The following TDRD15 variants were observed in gnomAD, a reference collection of about 807,000 sequenced individuals.
The protein encoded by TDRD15 is tudor domain containing 15, also known as tudor domain-containing protein 15.
For synonymous variants in TDRD15, 503 were observed against 314.5 expected (o/e 1.60, Z -6.34); for missense variants, 1,416 against 904.7 (o/e 1.57, Z -7.25).
chr2:21,138,238 T>C lies in TDRD15; in HGVS notation c.771T>C (p.Tyr257=), dbSNP rs777987977. The C allele has an allele frequency of 3.4e-5, 24 of 715,946 alleles. No homozygotes were observed. The highest frequency in any genetic ancestry group is 2.0e-4 in the Admixed American group (10 of 49,846). The allele number at this position is 715,946 out of a possible 1,614,324, so 44.3% of individuals were successfully genotyped here. ...CTGCATTGAGCCCAAGTAAATTTTATTGTCAGTTAATTAAATGGACTCCAG... is the reference window on the plus strand; with the variant it reads ...CTGCATTGAGCCCAAGTAAATTTTACTGTCAGTTAATTAAATGGACTCCAG... ...VSSALSPSKF[Y]CQLIKWTPEL... is the part of the protein sequence containing the mutation. The change falls in exon 4 of 4, where the codon TAT becomes TAC. Residue 257 remains tyrosine (Y), a synonymous_variant. Coordinates refer to ENST00000405799, the MANE Select transcript of TDRD15 (RefSeq NM_001306137.2).
intron 1 of TDRD15, among the ~76,000 whole-genome samples, chr2:21,125,237 G>C (rs553833072): frequency 6.6e-6 from 1 of 150,802 alleles, no homozygotes; most frequent in East Asian, 2.0e-4. Flanking sequence ...AGATCCCAAT[G>C]CCAGGTTGTG....
intron 2 of TDRD15, among the ~76,000 whole-genome samples, chr2:21,129,015 C>A (rs949243575): frequency 6.6e-6 from 1 of 152,028 alleles, no homozygotes; most frequent in African/African-American, 2.4e-5. Context: ...TGGCTCACTG[C>A]AATCTCTGTT....
downstream of TDRD15, among the ~76,000 whole-genome samples, chr2:21,146,581 T>C (rs1666034469): frequency 6.6e-6 from 1 of 152,060 alleles, no homozygotes; most frequent in Non-Finnish European, 1.5e-5. Context: ...GAGAATGTAA[T>C]AACCCATTCA....
intron 3 of TDRD15, among the ~76,000 whole-genome samples, chr2:21,135,789 T>G (rs1665796634): frequency 6.6e-6 from 1 of 152,036 alleles, no homozygotes; most frequent in Non-Finnish European, 1.5e-5. Flanking sequence ...GAGCCATGTA[T>G]AAACCAGATG....
In TDRD15 at chr2:21,138,734, T is replaced by C. The variant is rs2103444098; in HGVS notation, c.1267T>C (p.Cys423Arg). Residue 423 changes from cysteine (C) to arginine (R), a missense_variant, in exon 4 of 4, where the codon TGT (cysteine) becomes CGT (arginine). Cys to Arg is a radical substitution (Grantham distance 180). Transcript: ENST00000405799. ...GAAGACTGTAGGCACACAAGTACTT[T>C]GTCCGATGTCTGATTCAAAAATCTC... Reference protein sequence around the residue: ...LLKTVGTQVLCPMSDSKISNI... With the variant: ...LLKTVGTQVLRPMSDSKISNI... 1.4e-6 allele frequency: 1 copy of C among 716,002 alleles called. No individual in the cohort carries two copies. The highest frequency in any genetic ancestry group is 2.7e-5 in the East Asian group (1 of 37,238). The allele number at this position is 716,002 out of a possible 1,614,324, so 44.4% of individuals were successfully genotyped here.
At position 21,139,435 on chromosome 2, in the gene TDRD15, G is replaced by A; in HGVS notation, c.1968G>A (p.Met656Ile). 1.4e-6 allele frequency: 1 copy of A among 712,448 alleles called. No individual in the cohort carries two copies. 44.1% of individuals were successfully genotyped at this position (712,448 alleles called of 1,614,324 possible). The change falls in exon 4 of 4, where the codon ATG becomes ATA. Residue 656 changes from methionine (M) to isoleucine (I), a missense_variant. Physicochemically the swap from Met to Ile is conservative, Grantham distance 10 (BLOSUM62 1). Transcript: ENST00000405799. ...ASENIDVISL[M>I]LQAGYAEYFQ... ...AAAATATTGATGTTATCTCTCTTAT[G>A]TTACAAGCTGGATATGCAGAATATT...
rs183014338 is a variant in TDRD15 at position 21,140,584 on chromosome 2, A to T, written c.3117A>T (p.Ser1039=). ...CTTTAGCAATACCAACAGATTCATC[A>T]TCTGAGTTTCAAGTCTATTTTGTAG... is the stretch of plus-strand genomic sequence containing the variant. The part of the protein sequence containing the change: ...YRALAIPTDS[S]SEFQVYFVDF... Residue 1039 remains serine, a synonymous_variant, in exon 4 of 4, where the codon TCA becomes TCT. Coordinates refer to ENST00000405799, the MANE Select transcript of TDRD15 (RefSeq NM_001306137.2). The T allele has an allele frequency of 2.8e-6, 2 of 714,024 alleles. No homozygotes were observed. Among genetic ancestry groups the T allele is most frequent in the Non-Finnish European group, 5.2e-6 (2 of 383,224 alleles). The allele number at this position is 714,024 out of a possible 1,614,324, so 44.2% of individuals were successfully genotyped here.
chr2:21,125,018 G>T (rs1033607638), intron 1 of TDRD15, among the ~76,000 whole-genome samples: 8 of 149,020 alleles, frequency 5.4e-5, no homozygotes, highest in Non-Finnish European at 1.5e-5. Flanking sequence ...CCTAATGTCA[G>T]GGTGTGTGTG....
chr2:21,125,240 A>G (rs577232211), intron 1 of TDRD15, among the ~76,000 whole-genome samples: 6 of 150,068 alleles, frequency 4.0e-5, no homozygotes, highest in Admixed American at 1.3e-4. Context: ...TCCCAATGCC[A>G]GGTTGTGTGT....
chr2:21,132,818 G>A (rs1272354655), intron 2 of TDRD15, among the ~76,000 whole-genome samples: 2 of 151,772 alleles, frequency 1.3e-5, no homozygotes, highest in East Asian at 3.9e-4. Flanking sequence ...TATCTACCTG[G>A]TATTTATTTT....
chr2:21,136,391 A>G (rs528501137), intron 3 of TDRD15, among the ~76,000 whole-genome samples: 9 of 152,058 alleles, frequency 5.9e-5, no homozygotes, highest in African/African-American at 1.7e-4. Flanking sequence ...TTTGAAATCT[A>G]TCATGTGTGT....
In TDRD15 at chr2:21,138,081, C is replaced by T; in HGVS notation, c.614C>T (p.Pro205Leu). The change falls in exon 4 of 4, where the codon CCA becomes CTA. Residue 205 changes from proline to leucine, a missense_variant. Coordinates refer to ENST00000405799, the MANE Select transcript of TDRD15 (RefSeq NM_001306137.2). ...TTAGAAGAATTCCCTCAACAAATGC[C>T]AGATTTATTACAACATAAAAGGCCT... ...EMLEEFPQQM[P>L]DLLQHKRPEL... is the part of the protein sequence containing the mutation. 1.4e-6 allele frequency: 1 copy of T among 715,912 alleles called. No homozygotes were observed. Among genetic ancestry groups the T allele is most frequent in the Non-Finnish European group, 2.6e-6 (1 of 384,318 alleles). The allele number at this position is 715,912 out of a possible 1,614,324, so 44.3% of individuals were successfully genotyped here.
intron 1 of TDRD15, among the ~76,000 whole-genome samples, chr2:21,126,282 C>T (rs1459960315): frequency 6.6e-6 from 1 of 152,094 alleles, no homozygotes; most frequent in East Asian, 1.9e-4. Context: ...CAAATGGACT[C>T]ATAAAATGTG....
chr2:21,141,527 T>A lies in TDRD15; in HGVS notation c.4060T>A (p.Ser1354Thr), dbSNP rs1315475920. The A allele has an allele frequency of 2.8e-6, 2 of 715,166 alleles. No homozygotes were observed. The highest frequency in any genetic ancestry group is 5.2e-6 in the Non-Finnish European group (2 of 383,620). The allele number at this position is 715,166 out of a possible 1,614,324, so 44.3% of individuals were successfully genotyped here. ...LVGDLVVAEY[S>T]GDNAIYRAVI... ...GGGAGATCTTGTAGTTGCAGAATAT[T>A]CTGGTGACAATGCCATTTACAGGGC... is the stretch of plus-strand genomic sequence containing the variant. The change falls in exon 4 of 4, where the codon TCT becomes ACT. Residue 1354 changes from serine to threonine, a missense_variant. Coordinates refer to ENST00000405799, the MANE Select transcript of TDRD15 (RefSeq NM_001306137.2).
At position 21,141,809 on chromosome 2, in the gene TDRD15, G is replaced by C. The variant is rs1239114872; in HGVS notation, c.4342G>C (p.Asp1448His). ...TVYCEFLKKH[D>H]QKWEVNMICD... ...TTATTGTGAATTTTTGAAAAAGCATGATCAGAAATGGGAAGTAAATATGAT... is the reference window on the plus strand; with the variant it reads ...TTATTGTGAATTTTTGAAAAAGCATCATCAGAAATGGGAAGTAAATATGAT... The change falls in exon 4 of 4, where the codon GAT (aspartate) becomes CAT (histidine). Residue 1448 changes from aspartate to histidine, a missense_variant. Transcript: ENST00000405799. 1.4e-6 allele frequency: 1 copy of C among 713,798 alleles called. No homozygotes were observed. The highest frequency in any genetic ancestry group is 2.6e-6 in the Non-Finnish European group (1 of 383,214). 44.2% of individuals were successfully genotyped at this position (713,798 alleles called of 1,614,324 possible). A position where few individuals can be genotyped will look rare whatever the true frequency, so the allele number is the denominator to read the frequency against.
intron 2 of TDRD15, among the ~76,000 whole-genome samples, chr2:21,131,493 T>C (rs2103438147): frequency 6.6e-6 from 1 of 152,338 alleles, no homozygotes; most frequent in East Asian, 1.9e-4. Context: ...AAAGAACGTC[T>C]TCAGTTATAT....
chr2:21,133,144 C>T (rs968828836), intron 2 of TDRD15, among the ~76,000 whole-genome samples: 6 of 152,108 alleles, frequency 3.9e-5, no homozygotes, highest in Non-Finnish European at 8.8e-5. Flanking sequence ...GTTTTATTTT[C>T]ATCACATCAG....
chr2:21,130,692 T>C (rs1400510739), intron 2 of TDRD15, among the ~76,000 whole-genome samples: 1 of 152,196 alleles, frequency 6.6e-6, no homozygotes, highest in African/African-American at 2.4e-5. Flanking sequence ...TTTACCTTTT[T>C]CAGTGTGTTA....
At chr2:21,129,619 T>G (rs1665679524) in intron 2 of TDRD15, among the ~76,000 whole-genome samples, 2 of 152,226 alleles carry the variant, frequency 1.3e-5, no homozygotes, top group Non-Finnish European at 2.9e-5. Context: ...AGATAGGTGA[T>G]TTGCAGATAT....
Sources: gnomAD v4.1 joint callset for allele counts (sites outside exome capture counted in the v4.1 genomes callset) on GRCh38, gnomAD v4.1.1 for gene constraint, MANE v1.5 for transcripts, NCBI Gene and HGNC (gene_info 2026-07-23, HGNC 2026-07-21) for gene names.